Variants in FRAS1 observed in about 807,000 individuals in gnomAD.
FRAS1 encodes Fraser extracellular matrix complex subunit 1.
A neutral mutation model predicts 435.2 loss-of-function variants in FRAS1; 290 were observed. That is an observed-to-expected ratio of 0.67 (90% CI 0.61 to 0.73). The LOEUF is 0.73. FRAS1 is among the 30% of genes least tolerant of loss of function. The probability of loss-of-function intolerance (pLI) is 0.00; values close to 1 mark genes in which losing one functional copy is unlikely to be tolerated. For synonymous variants in FRAS1, 1,800 were observed against 1,851.0 expected, an observed-to-expected ratio of 0.97 and a Z score of 0.71; for missense variants, 4,860 against 5,001.5, an observed-to-expected ratio of 0.97 and a Z score of 0.85.
chr4:78,213,528 CT>C (rs1261824203), intron 2 of FRAS1, among the ~76,000 whole-genome samples: 1 of 152,158 alleles, frequency 6.6e-6, no homozygotes, highest in Non-Finnish European at 1.5e-5. Flanking sequence ...TCTTTGGGGT[CT>C]TTTTTCATGT....
intron 20 of FRAS1, among the ~76,000 whole-genome samples, chr4:78,347,111 C>A (rs1044229413): frequency 3.3e-5 from 5 of 152,222 alleles, no homozygotes; most frequent in African/African-American, 4.8e-5. Flanking sequence ...ATCCCTCCCA[C>A]CTCCACAGGT....
chr4:78,396,167 A>G (rs921579686), intron 29 of FRAS1, among the ~76,000 whole-genome samples: 9 of 152,066 alleles, frequency 5.9e-5, no homozygotes, highest in African/African-American at 1.4e-4. Context: ...TGGCATCACA[A>G]TTTATATCTT....
intron 70 of FRAS1, among the ~76,000 whole-genome samples, chr4:78,530,774 A>T (rs1721687079): frequency 6.6e-6 from 1 of 152,208 alleles, no homozygotes; most frequent in Non-Finnish European, 1.5e-5. Flanking sequence ...AGGTAGCATG[A>T]TGCCTTCAGC....
At chr4:78,361,163 G>A (rs530958884) in intron 20 of FRAS1, among the ~76,000 whole-genome samples, 4 of 152,304 alleles carry the variant, frequency 2.6e-5, no homozygotes, top group African/African-American at 7.2e-5. Flanking sequence ...ATTTGCTCTT[G>A]CAACTTTTGA....
intron 2 of FRAS1, among the ~76,000 whole-genome samples, chr4:78,211,516 T>C (rs1723502909): frequency 1.3e-5 from 2 of 152,182 alleles, no homozygotes. Flanking sequence ...GAAAGCCATG[T>C]TGTGGCAAGC....
chr4:78,373,976 T>TA, intron 24 of FRAS1, 135 bp from the exon 25 acceptor site: 1 of 718,980 alleles, frequency 1.4e-6, no homozygotes, highest in East Asian at 2.9e-5. Flanking sequence ...CCCAGACTCC[T>TA]TGACTCTTCA....
At chr4:78,405,906 T>G (rs1202341896) in intron 30 of FRAS1, among the ~76,000 whole-genome samples, 2 of 152,222 alleles carry the variant, frequency 1.3e-5, no homozygotes, top group Non-Finnish European at 2.9e-5. Flanking sequence ...CCTGTGAAAT[T>G]TTAATTGTTT....
chr4:78,085,738 A>T (rs185006955), intron 2 of FRAS1, among the ~76,000 whole-genome samples: 1 of 152,218 alleles, frequency 6.6e-6, no homozygotes, highest in Admixed American at 6.5e-5. Flanking sequence ...TCCTAAATAT[A>T]TATGCACCCA....
At chr4:78,247,410 G>A (rs1265425938) in intron 4 of FRAS1, among the ~76,000 whole-genome samples, 1 of 152,170 alleles carries the variant, frequency 6.6e-6, no homozygotes, top group Non-Finnish European at 1.5e-5. Context: ...AAAATCTCTA[G>A]TGGATTGCTT....
Position 78,483,704 on chromosome 4 carries a change from C to T in FRAS1, c.8752+1169C>T, listed in dbSNP as rs1479205319. Among the ~76,000 whole-genome samples, 10 of 149,408 alleles carry T rather than the reference C, an allele frequency of 6.7e-5. 1 individual carries two copies. In the Admixed American group the frequency reaches 6.7e-4, roughly 10 times the overall value. On this transcript the variant is annotated intron_variant, in intron 58 of 73. Coordinates refer to ENST00000512123, the MANE Select transcript of FRAS1 (RefSeq NM_025074.7). ...CCCTATCTCCCAGTCTCCCAGTTCT[C>T]CTCACTGGAGACAACAATTTTAACC...
Position 78,508,913 on chromosome 4 carries a change from C to T in FRAS1, c.9687C>T (p.Ser3229=). 6.2e-7 allele frequency: 1 copy of T among 1,613,974 alleles called. No individual in the cohort carries two copies. The highest frequency in any genetic ancestry group is 8.5e-7 in the Non-Finnish European group (1 of 1,179,880). The change falls in exon 63 of 74, where the codon AGC becomes AGT. Residue 3229 remains serine (S), a synonymous_variant. Transcript: ENST00000512123. ...AGINQTSVQF[S]WEVAAPTDGN... ...TCAACCAGACATCTGTGCAGTTCAG[C>T]TGGGAAGTGGCTGCCCCCACTGATG...
At chr4:78,153,750 A>C (rs1433279161) in intron 2 of FRAS1, among the ~76,000 whole-genome samples, 1 of 152,208 alleles carries the variant, frequency 6.6e-6, no homozygotes, top group African/African-American at 2.4e-5. Context: ...TATCTTGAGA[A>C]CAGGAAACGA....
intron 2 of FRAS1, among the ~76,000 whole-genome samples, chr4:78,136,739 G>C (rs1473120566): frequency 6.6e-6 from 1 of 152,182 alleles, no homozygotes; most frequent in African/African-American, 2.4e-5. Context: ...CTGATGTCTT[G>C]CTCTTTTGTG....
At chr4:78,178,291 G>A (rs1257647474) in intron 2 of FRAS1, among the ~76,000 whole-genome samples, 1 of 152,160 alleles carries the variant, frequency 6.6e-6, no homozygotes, top group Non-Finnish European at 1.5e-5. Flanking sequence ...CACCTTAAAA[G>A]GGATTTCTGC....
chr4:78,299,159 C>G (rs891416649), intron 14 of FRAS1, among the ~76,000 whole-genome samples: 4 of 152,132 alleles, frequency 2.6e-5, no homozygotes, highest in Non-Finnish European at 5.9e-5. Flanking sequence ...ATGTAGGGTG[C>G]CCTGCTTCAC....
In FRAS1 at chr4:78,387,459, G is replaced by C; in HGVS notation, c.3733G>C (p.Asp1245His). Residue 1245 changes from aspartate to histidine, a missense_variant, in exon 29 of 74, where the codon GAT becomes CAT. By Grantham distance (81) the Asp-to-His change is moderately conservative. Coordinates refer to ENST00000512123, the MANE Select transcript of FRAS1 (RefSeq NM_025074.7). Reference sequence around the variant, plus strand: ...CACCACCCAGATGCTTGACATCCGAGATGATGACAACCCACAGGATGTGGT... The same window carrying C: ...CACCACCCAGATGCTTGACATCCGACATGATGACAACCCACAGGATGTGGT... Reference protein sequence around the residue: ...TITTQMLDIRDDDNPQDVVIE... With the variant: ...TITTQMLDIRHDDNPQDVVIE... 6 of 1,613,700 alleles carry C rather than the reference G, an allele frequency of 3.7e-6. No homozygotes were observed. Among genetic ancestry groups the C allele is most frequent in the Non-Finnish European group, 5.1e-6 (6 of 1,179,790 alleles).
intron 20 of FRAS1, among the ~76,000 whole-genome samples, chr4:78,345,918 A>G (rs1730590100): frequency 1.3e-5 from 2 of 152,310 alleles, no homozygotes; most frequent in East Asian, 1.9e-4. Context: ...TTACCAAACA[A>G]TACCTTCTCT....
chr4:78,326,252 C>T (rs1045810065), intron 18 of FRAS1, among the ~76,000 whole-genome samples: 7 of 152,064 alleles, frequency 4.6e-5, no homozygotes, highest in African/African-American at 1.7e-4. Flanking sequence ...GTTGAAGATC[C>T]TTATTAAGGG....
intron 23 of FRAS1, among the ~76,000 whole-genome samples, chr4:78,372,342 AGTCAGGGTTAG>A (rs1731549652): frequency 6.6e-6 from 1 of 152,164 alleles, no homozygotes; most frequent in South Asian, 2.1e-4. Context: ...ATTTGGAAGA[AGTCAGGGTTAG>A]GTTTGTGGGG....
Sources: gnomAD v4.1 joint callset for allele counts (sites outside exome capture counted in the v4.1 genomes callset) on GRCh38, gnomAD v4.1.1 for gene constraint, MANE v1.5 for transcripts, NCBI Gene and HGNC (gene_info 2026-07-23, HGNC 2026-07-21) for gene names.